BRINP3: variants seen among roughly 807,000 people sequenced by gnomAD.
BRINP3 encodes BMP/retinoic acid inducible neural specific 3.
In BRINP3, 19 loss-of-function variants were observed where a neutral mutation model predicts 71.0. The ratio of observed to expected loss-of-function variants is 0.27; its 90% CI spans 0.19 to 0.39. BRINP3 has a LOEUF of 0.39. BRINP3 is among the 10% of genes least tolerant of loss of function. BRINP3 has a pLI of 1.00. For synonymous variants in BRINP3, 380 were observed against 337.7 expected (o/e 1.13, Z -1.37); for missense variants, 959 against 940.8 (o/e 1.02, Z -0.25).
intron 4 of BRINP3, among the ~76,000 whole-genome samples, chr1:190,235,131 G>C (rs1035319104): frequency 6.6e-6 from 1 of 151,990 alleles, no homozygotes; most frequent in African/African-American, 2.4e-5. Context: ...TCAAAATTAA[G>C]CTCATGTTCA....
At chr1:190,241,802 C>A (rs1246060721) in intron 4 of BRINP3, among the ~76,000 whole-genome samples, 1 of 151,674 alleles carries the variant, frequency 6.6e-6, no homozygotes, top group Non-Finnish European at 1.5e-5. Flanking sequence ...CATATAAGAT[C>A]TTTTAAAATT....
At chr1:190,335,878 T>C (rs1667253735) in intron 2 of BRINP3, among the ~76,000 whole-genome samples, 1 of 152,000 alleles carries the variant, frequency 6.6e-6, no homozygotes. Context: ...AGGAATAGTG[T>C]AACCTATTAT....
chr1:190,318,543 C>T (rs1571733188), intron 2 of BRINP3, among the ~76,000 whole-genome samples: 1 of 152,092 alleles, frequency 6.6e-6, no homozygotes, highest in African/African-American at 2.4e-5. Context: ...TAGGCTAAAG[C>T]TTCTTCTGAA....
At chr1:190,130,015 C>A (rs948813839) in intron 7 of BRINP3, among the ~76,000 whole-genome samples, 1 of 151,888 alleles carries the variant, frequency 6.6e-6, no homozygotes, top group African/African-American at 2.4e-5. Context: ...CCAGTTGAGA[C>A]AAAATAATTT....
intron 2 of BRINP3, among the ~76,000 whole-genome samples, chr1:190,302,249 T>TTATATATATATTTTATATATATATAAATG (rs1664790190): frequency 2.7e-5 from 4 of 147,574 alleles, no homozygotes; most frequent in Admixed American, 2.0e-4. Context: ...ATACATAAAT[T>TTATATATATATTTTATATATATATAAATG]TATATATATA....
At chr1:190,240,774 A>G (rs1292067952) in intron 4 of BRINP3, among the ~76,000 whole-genome samples, 11 of 146,568 alleles carry the variant, frequency 7.5e-5, no homozygotes, top group Non-Finnish European at 1.2e-4. Context: ...CTGGAGGCTG[A>G]GGCAGGAGAA....
intron 7 of BRINP3, among the ~76,000 whole-genome samples, chr1:190,148,119 A>G (rs1057167829): frequency 6.6e-6 from 1 of 152,146 alleles, no homozygotes; most frequent in African/African-American, 2.4e-5. Context: ...CCATTACATA[A>G]TACAATTCTA....
At chr1:190,395,335 C>A (rs557096509) in intron 2 of BRINP3, among the ~76,000 whole-genome samples, 1 of 151,582 alleles carries the variant, frequency 6.6e-6, no homozygotes, top group South Asian at 2.1e-4. Flanking sequence ...AATAGCAAAA[C>A]CTCCATAAGT....
At chr1:190,208,476 AT>A (rs995929690) in intron 6 of BRINP3, among the ~76,000 whole-genome samples, 8 of 151,792 alleles carry the variant, frequency 5.3e-5, no homozygotes, top group Non-Finnish European at 1.2e-4. Context: ...TACTTTATTT[AT>A]TTATTTGTTT....
intron 7 of BRINP3, 32 bp downstream of exon 7, chr1:190,160,636 C>G (rs1558020952): frequency 6.3e-7 from 1 of 1,577,536 alleles, no homozygotes; most frequent in Non-Finnish European, 8.6e-7. Context: ...CGGCAATAAA[C>G]TTAATTGCTT....
At chr1:190,132,606 G>A (rs1047140585) in intron 7 of BRINP3, among the ~76,000 whole-genome samples, 1 of 151,988 alleles carries the variant, frequency 6.6e-6, no homozygotes, top group African/African-American at 2.4e-5. Flanking sequence ...TACAGAATCA[G>A]ACACATAACA....
chr1:190,419,690 T>C (rs370556399), intron 2 of BRINP3, among the ~76,000 whole-genome samples: 2 of 148,354 alleles, frequency 1.3e-5, no homozygotes, highest in Non-Finnish European at 3.0e-5. Flanking sequence ...TATACATTTA[T>C]ACACACACAC....
chr1:190,252,415 T>A (rs1393649499), intron 4 of BRINP3, among the ~76,000 whole-genome samples: 1 of 152,120 alleles, frequency 6.6e-6, no homozygotes, highest in Non-Finnish European at 1.5e-5. Context: ...GTTTTCTTTC[T>A]GCTTATTGAA....
intron 1 of BRINP3, among the ~76,000 whole-genome samples, chr1:190,464,669 T>C (rs1446324424): frequency 6.6e-6 from 1 of 152,024 alleles, no homozygotes. Flanking sequence ...ATTATATTAA[T>C]GTGCTAGCAA....
intron 7 of BRINP3, among the ~76,000 whole-genome samples, chr1:190,130,528 G>T (rs772754649): frequency 2.6e-5 from 4 of 151,946 alleles, no homozygotes; most frequent in Non-Finnish European, 5.9e-5. Flanking sequence ...TCTGCCTCCT[G>T]TCCACCACAC....
At chr1:190,274,346 T>C (rs1226302204) in intron 3 of BRINP3, among the ~76,000 whole-genome samples, 2 of 151,450 alleles carry the variant, frequency 1.3e-5, no homozygotes, top group Non-Finnish European at 3.0e-5. Flanking sequence ...CATTGTCCTA[T>C]AATGTTTACA....
At chr1:190,239,581 G>A (rs1394338970) in intron 4 of BRINP3, among the ~76,000 whole-genome samples, 1 of 152,030 alleles carries the variant, frequency 6.6e-6, no homozygotes, top group Non-Finnish European at 1.5e-5. Context: ...GGACATGGTT[G>A]CTGAAATGTT....
At chr1:190,327,326 C>CAAAAAAAAAAAAAAAAAAAA in intron 2 of BRINP3, among the ~76,000 whole-genome samples, 45 of 44,200 alleles carry the variant, frequency 1.0e-3, no homozygotes, top group East Asian at 2.5e-3. Context: ...AAAAAAAGAA[C>CAAAAAAAAAAAAAAAAAAAA]AAAAAAAAAA....
chr1:190,457,497 C>T (rs577674729), intron 1 of BRINP3, among the ~76,000 whole-genome samples: 1 of 138,106 alleles, frequency 7.2e-6, no homozygotes, highest in South Asian at 2.3e-4. Flanking sequence ...TCTACTAACG[C>T]TATAGATGTT....
Sources: gnomAD v4.1 joint callset for allele counts (sites outside exome capture counted in the v4.1 genomes callset) on GRCh38, gnomAD v4.1.1 for gene constraint, MANE v1.5 for transcripts, NCBI Gene and HGNC (gene_info 2026-07-23, HGNC 2026-07-21) for gene names.